The following SLC1A1 variants were observed in gnomAD, a reference collection of about 807,000 sequenced individuals.
SLC1A1 encodes the protein solute carrier family 1 member 1, also known as excitatory amino acid transporter 3.
Under a neutral mutation model 53.3 loss-of-function variants are expected in SLC1A1, and 43 were observed. The ratio of observed to expected loss-of-function variants is 0.81; its 90% CI spans 0.63 to 1.04. The LOEUF is 1.04. SLC1A1 is among the 50% of genes least tolerant of loss of function. The probability of loss-of-function intolerance (pLI) is 0.00; values close to 1 mark genes in which losing one functional copy is unlikely to be tolerated. For missense variants in SLC1A1, 748 were observed against 664.9 expected (o/e 1.12, Z -1.37); for synonymous variants, 307 against 243.2 (o/e 1.26, Z -2.44).
Position 4,583,994 on chromosome 9 carries a change from G to C in SLC1A1, c.1328+822G>C, listed in dbSNP as rs1030911603. 8.6e-5 allele frequency among the ~76,000 whole-genome samples: 13 copies of C among 151,976 alleles called. No homozygotes were observed. The highest frequency in any genetic ancestry group is 3.1e-4 in the African/African-American group (13 of 41,356). On this transcript the variant is annotated intron_variant, in intron 11 of 11. Coordinates refer to ENST00000262352, the MANE Select transcript of SLC1A1 (RefSeq NM_004170.6). This position sits in a 1 kb window ranked among gnomAD's most constrained non-coding sequence, Gnocchi z 4.6. ...AAAGTTAGAACCAGCCTGGCTCCAA[G>C]CTTTACCCTTGATGCCCACTTCTGT...
chr9:4,543,499 T>G (rs1482223837), intron 1 of SLC1A1, among the ~76,000 whole-genome samples: 2 of 152,238 alleles, frequency 1.3e-5, no homozygotes, highest in African/African-American at 4.8e-5. Context: ...CATCATTAAA[T>G]TGTGTTATCC....
intron 10 of SLC1A1, among the ~76,000 whole-genome samples, chr9:4,582,115 G>A (rs1190210610): frequency 6.6e-6 from 1 of 152,202 alleles, no homozygotes. Flanking sequence ...TCCAAGTCAA[G>A]GGATTTTTCA....
intron 1 of SLC1A1, among the ~76,000 whole-genome samples, chr9:4,526,968 A>C (rs958330274): frequency 6.6e-6 from 1 of 152,154 alleles, no homozygotes; most frequent in African/African-American, 2.4e-5. Flanking sequence ...TAAAGTCCCT[A>C]ATCAGTTGAT....
At chr9:4,520,707 A>G (rs1182892877) in intron 1 of SLC1A1, among the ~76,000 whole-genome samples, 2 of 152,254 alleles carry the variant, frequency 1.3e-5, no homozygotes, top group Non-Finnish European at 2.9e-5. Context: ...GCTATTAGGA[A>G]TAATGTTGTT....
At chr9:4,558,219 T>A (rs1295764828) in intron 2 of SLC1A1, among the ~76,000 whole-genome samples, 1 of 152,202 alleles carries the variant, frequency 6.6e-6, no homozygotes, top group Non-Finnish European at 1.5e-5. Context: ...CCCTCTATGG[T>A]GGTCACCACC....
intron 1 of SLC1A1, among the ~76,000 whole-genome samples, chr9:4,503,267 T>A (rs1329526148): frequency 6.6e-6 from 1 of 151,832 alleles, no homozygotes; most frequent in African/African-American, 2.4e-5. Flanking sequence ...CCACTGTTAA[T>A]CAAACAGAAT....
chr9:4,572,844 C>G (rs748467442), intron 7 of SLC1A1, among the ~76,000 whole-genome samples: 5 of 152,206 alleles, frequency 3.3e-5, no homozygotes, highest in African/African-American at 1.2e-4. Context: ...CCACCACACC[C>G]AGCCACCACT....
intron 1 of SLC1A1, among the ~76,000 whole-genome samples, chr9:4,498,130 A>C (rs1820502961): frequency 6.6e-6 from 1 of 152,192 alleles, no homozygotes; most frequent in Non-Finnish European, 1.5e-5. Context: ...CTGTATATTC[A>C]TTCCTCAGTT....
At chr9:4,545,656 C>CTG (rs1817431580) in intron 2 of SLC1A1, among the ~76,000 whole-genome samples, 1 of 152,216 alleles carries the variant, frequency 6.6e-6, no homozygotes, top group Admixed American at 6.5e-5. Context: ...CAGTCAAGTT[C>CTG]TGTGAGAAGG....
At chr9:4,542,868 T>C (rs1431984255) in intron 1 of SLC1A1, among the ~76,000 whole-genome samples, 2 of 152,218 alleles carry the variant, frequency 1.3e-5, no homozygotes, top group African/African-American at 2.4e-5. Context: ...TAGAGTTTTG[T>C]TTCATCTTTG....
chr9:4,530,809 T>TTA (rs1285214328), intron 1 of SLC1A1, among the ~76,000 whole-genome samples: 3 of 152,238 alleles, frequency 2.0e-5, no homozygotes, highest in Non-Finnish European at 2.9e-5. Context: ...TGCAAAAGTG[T>TTA]TATTGCCTCT....
intron 4 of SLC1A1, among the ~76,000 whole-genome samples, chr9:4,565,396 T>C (rs1025528253): frequency 1.3e-5 from 2 of 152,184 alleles, no homozygotes; most frequent in African/African-American, 4.8e-5. Flanking sequence ...GGGTAATTTA[T>C]AACGGGAAGA....
intron 2 of SLC1A1, among the ~76,000 whole-genome samples, chr9:4,555,568 A>C (rs1818295805): frequency 6.6e-6 from 1 of 152,212 alleles, no homozygotes; most frequent in Non-Finnish European, 1.5e-5. Context: ...AAAGCAAATA[A>C]ATGCCTTTAC....
In SLC1A1 at chr9:4,587,004, A is replaced by C. The variant is rs1177379684; in HGVS notation, c.*1446A>C. 1 of 152,608 alleles carries C rather than the reference A, an allele frequency of 6.6e-6. No homozygotes were observed. Among genetic ancestry groups the C allele is most frequent in the African/African-American group, 2.4e-5 (1 of 41,448 alleles). 9.5% of individuals were successfully genotyped at this position (152,608 alleles called of 1,614,324 possible). On this transcript the variant is annotated 3_prime_UTR_variant, in exon 12 of 12. Transcript: ENST00000262352. ...TAACATAAACTTGTACTTACACTGA[A>C]ATCCAAAATAGTCATGTTTCTGCAG...
intron 1 of SLC1A1, among the ~76,000 whole-genome samples, chr9:4,520,905 T>A (rs1210592166): frequency 6.6e-6 from 1 of 152,250 alleles, no homozygotes; most frequent in Non-Finnish European, 1.5e-5. Context: ...TTCCAGTTTC[T>A]CCACATCCTC....
intron 2 of SLC1A1, among the ~76,000 whole-genome samples, chr9:4,550,731 C>G (rs10739064): frequency 0.32 from 49,371 of 152,110 alleles, 8,753 homozygotes; most frequent in East Asian, 0.59. Context: ...CCTTATAAAA[C>G]CTTAGGTATA....
Position 4,560,588 on chromosome 9 carries a change from T to C in SLC1A1, c.233-861T>C, listed in dbSNP as rs138274704. 1.8e-4 allele frequency among the ~76,000 whole-genome samples: 27 copies of C among 152,280 alleles called. No homozygotes were observed. In the East Asian group the frequency reaches 5.2e-3, roughly 29 times the overall value. On this transcript the variant is annotated intron_variant, in intron 2 of 11. Coordinates refer to ENST00000262352, the MANE Select transcript of SLC1A1 (RefSeq NM_004170.6). ...TTCAGATAGTTGTAATGAATATATA[T>C]TACTTTTATAATTGTATATAAACAT...
chr9:4,540,179 A>C (rs1441592100), intron 1 of SLC1A1, among the ~76,000 whole-genome samples: 2 of 152,108 alleles, frequency 1.3e-5, no homozygotes, highest in Non-Finnish European at 2.9e-5. Context: ...ATGGCTTGAC[A>C]GTGTTACCTC....
In SLC1A1 at chr9:4,556,446, C is replaced by T. The variant is rs1277049020; in HGVS notation, c.233-5003C>T. On this transcript the variant is annotated intron_variant, in intron 2 of 11. Coordinates refer to ENST00000262352, the MANE Select transcript of SLC1A1 (RefSeq NM_004170.6). This position sits in a 1 kb window ranked among gnomAD's most constrained non-coding sequence, Gnocchi z 4.1. ...CTGCTTAGTTCATTCTCATTTATCA[C>T]CCCCTATAGGACAGCTTTCAACTCC... Among the ~76,000 whole-genome samples the T allele has an allele frequency of 2.0e-5, 3 of 152,156 alleles. No homozygotes were observed. Among genetic ancestry groups the T allele is most frequent in the Non-Finnish European group, 4.4e-5 (3 of 68,042 alleles).
Sources: gnomAD v4.1 joint callset for allele counts (sites outside exome capture counted in the v4.1 genomes callset) on GRCh38, gnomAD v4.1.1 for gene constraint, Gnocchi (gnomAD v3.1) non-coding constraint, MANE v1.5 for transcripts, NCBI Gene and HGNC (gene_info 2026-07-23, HGNC 2026-07-21) for gene names.